Variants in ATG7 observed in about 807,000 individuals in gnomAD.
ATG7 encodes the protein autophagy related 7, also known as ubiquitin-like modifier-activating enzyme ATG7.
Under a neutral mutation model 82.4 loss-of-function variants are expected in ATG7, and 70 were observed. The ratio of observed to expected loss-of-function variants is 0.85; its 90% confidence interval spans 0.70 to 1.04. The LOEUF (loss-of-function observed/expected upper bound fraction) is 1.04, where lower values mean the gene tolerates loss of function less well. ATG7 is among the 50% of genes least tolerant of loss of function. ATG7 has a pLI of 0.00. For missense variants in ATG7, 792 were observed against 864.3 expected, an observed-to-expected ratio of 0.92 and a Z score of 1.05; for synonymous variants, 287 against 313.0, an observed-to-expected ratio of 0.92 and a Z score of 0.88.
intron 1 of ATG7, among the ~76,000 whole-genome samples, chr3:11,278,940 A>T (rs975494607): frequency 6.6e-6 from 1 of 152,202 alleles, no homozygotes; most frequent in Non-Finnish European, 1.5e-5. Context: ...TGAAGTGAGC[A>T]AAGAAATTCA....
intron 20 of ATG7, among the ~76,000 whole-genome samples, chr3:11,482,449 T>C (rs914072481): frequency 6.6e-6 from 1 of 152,168 alleles, no homozygotes; most frequent in African/African-American, 2.4e-5. Flanking sequence ...CCGTATCTTT[T>C]TGGTGGGTAC....
At chr3:11,372,768 C>G (rs998749809) in intron 18 of ATG7, among the ~76,000 whole-genome samples, 1 of 151,114 alleles carries the variant, frequency 6.6e-6, no homozygotes, top group Non-Finnish European at 1.5e-5. Context: ...AGGAATCCCT[C>G]TTACTAGCTA....
rs559336293 is a variant in ATG7 at position 11,424,095 on chromosome 3, C to G, written c.1957-2709C>G. Among the ~76,000 whole-genome samples, 8 of 151,864 alleles carry G rather than the reference C, an allele frequency of 5.3e-5. 1 individual carries two copies. Among genetic ancestry groups the G allele is most frequent in the African/African-American group, 1.5e-4 (6 of 41,352 alleles). On this transcript the variant is annotated intron_variant, in intron 19 of 20. Transcript: ENST00000693202. ...TCTAGACCCTAGAGCTCCCCTGCCTCCCGTCGCCTGGTCCTTTCGCTTTTC... is the reference window on the plus strand; with the variant it reads ...TCTAGACCCTAGAGCTCCCCTGCCTGCCGTCGCCTGGTCCTTTCGCTTTTC...
intron 14 of ATG7, among the ~76,000 whole-genome samples, chr3:11,348,951 A>G (rs1955013652): frequency 6.6e-6 from 1 of 152,030 alleles, no homozygotes. Context: ...GTGCGTTTAC[A>G]ATCCTCCAGC....
chr3:11,307,418 G>C (rs1157443879), intron 6 of ATG7, among the ~76,000 whole-genome samples: 1 of 152,216 alleles, frequency 6.6e-6, no homozygotes, highest in Non-Finnish European at 1.5e-5. Flanking sequence ...TGTTTATTGT[G>C]CCTTGGAGAG....
chr3:11,560,878 C>T (rs1232230151), downstream of ATG7, among the ~76,000 whole-genome samples: 1 of 152,172 alleles, frequency 6.6e-6, no homozygotes, highest in East Asian at 1.9e-4. Flanking sequence ...TGGACAGGGC[C>T]TCGGGTGAGA....
intron 14 of ATG7, among the ~76,000 whole-genome samples, chr3:11,355,970 A>G (rs1057022648): frequency 6.6e-6 from 1 of 152,396 alleles, no homozygotes; most frequent in South Asian, 2.1e-4. Flanking sequence ...TAGTATAATT[A>G]TACCACGAAT....
At chr3:11,358,754 A>T in intron 15 of ATG7, 142 bp downstream of exon 15, 1 of 836,496 alleles carries the variant, frequency 1.2e-6, no homozygotes. Context: ...TCTGCTTCAG[A>T]CTCTGTCTTT....
intron 20 of ATG7, among the ~76,000 whole-genome samples, chr3:11,459,469 T>G (rs1196258990): frequency 6.7e-6 from 1 of 148,692 alleles, no homozygotes; most frequent in East Asian, 2.0e-4. Context: ...TGGACGTCTT[T>G]AGAATGAGAA....
chr3:11,379,393 G>T (rs1315046013), intron 18 of ATG7, among the ~76,000 whole-genome samples: 3 of 152,194 alleles, frequency 2.0e-5, no homozygotes, highest in South Asian at 4.1e-4. Flanking sequence ...CTCAGTTGTA[G>T]TCCAGAATTT....
intron 20 of ATG7, among the ~76,000 whole-genome samples, chr3:11,550,759 CT>C (rs1020502728): frequency 2.0e-5 from 3 of 152,002 alleles, no homozygotes; most frequent in Non-Finnish European, 4.4e-5. Flanking sequence ...GTTATGTTTT[CT>C]CTCAGTTTGC....
chr3:11,301,180 G>C (rs1194135536), intron 5 of ATG7, among the ~76,000 whole-genome samples: 1 of 152,162 alleles, frequency 6.6e-6, no homozygotes, highest in African/African-American at 2.4e-5. Flanking sequence ...AAGCACAGAG[G>C]TCAATGCGAG....
chr3:11,486,941 G>C (rs1202599923), intron 20 of ATG7, among the ~76,000 whole-genome samples: 5 of 151,292 alleles, frequency 3.3e-5, no homozygotes, highest in Admixed American at 1.3e-4. Flanking sequence ...ATAAACAAGT[G>C]AACAAAGGTC....
At chr3:11,527,061 GTGTGTGTGTGTATA>G (rs1191659697) in intron 20 of ATG7, among the ~76,000 whole-genome samples, 19 of 103,904 alleles carry the variant, frequency 1.8e-4, no homozygotes, top group African/African-American at 7.4e-4. Context: ...GTGTGTGTGT[GTGTGTGTGTGTATA>G]TATATATATA....
At chr3:11,394,780 A>G (rs925894375) in intron 19 of ATG7, among the ~76,000 whole-genome samples, 3 of 152,244 alleles carry the variant, frequency 2.0e-5, no homozygotes, top group Non-Finnish European at 2.9e-5. Flanking sequence ...GCTAATGCCC[A>G]TAGTTGCCAG....
At chr3:11,344,413 G>A (rs1354272923) in intron 13 of ATG7, among the ~76,000 whole-genome samples, 2 of 152,132 alleles carry the variant, frequency 1.3e-5, no homozygotes, top group Non-Finnish European at 2.9e-5. Flanking sequence ...GCTGATTTCT[G>A]TTTCTGCACG....
chr3:11,454,959 ATAT>A (rs1339680878), intron 20 of ATG7, among the ~76,000 whole-genome samples: 3 of 152,218 alleles, frequency 2.0e-5, no homozygotes, highest in Admixed American at 6.5e-5. Context: ...GGTTTTTAAA[ATAT>A]TATCAAAACT....
chr3:11,568,551 G>A, the ATG7 span: 2 of 1,551,700 alleles, frequency 1.3e-6, no homozygotes. The surrounding 1 kb of genome is among the most constrained non-coding windows in gnomAD (Gnocchi z 5.9). Flanking sequence ...AAAACAGCGA[G>A]AAAAGGCCTG....
intron 19 of ATG7, among the ~76,000 whole-genome samples, chr3:11,420,576 A>G (rs571281815): frequency 6.6e-6 from 1 of 152,230 alleles, no homozygotes; most frequent in African/African-American, 2.4e-5. Flanking sequence ...TTACAGGCAT[A>G]TCTTAGATTA....
Sources: allele counts gnomAD v4.1 joint callset (sites outside exome capture counted in the v4.1 genomes callset), GRCh38; gene constraint gnomAD v4.1.1; non-coding constraint Gnocchi (gnomAD v3.1); transcripts MANE v1.5; gene names NCBI Gene and HGNC (gene_info 2026-07-23, HGNC 2026-07-21).